The following NHSL1 variants were observed in gnomAD, a reference collection of about 807,000 sequenced individuals.
The protein encoded by NHSL1 is NHS-like protein 1.
Under a neutral mutation model 95.0 loss-of-function variants are expected in NHSL1, and 48 were observed. The observed-to-expected ratio is 0.51, with a 90% CI of 0.40 to 0.64. NHSL1 has a LOEUF of 0.64. Ranked by LOEUF, NHSL1 falls within the 30% of genes least tolerant of loss-of-function variation. NHSL1 has a pLI of 0.00. For synonymous variants in NHSL1, 783 were observed against 833.9 expected (o/e 0.94, Z 1.05); for missense variants, 1,971 against 2,077.7 (o/e 0.95, Z 1.00).
chr6:138,540,435 G>A (rs1782535831), intron 1 of NHSL1, among the ~76,000 whole-genome samples: 2 of 152,210 alleles, frequency 1.3e-5, no homozygotes, highest in Admixed American at 6.5e-5. Flanking sequence ...GGACCTTCCA[G>A]AGCAAATGGT....
Position 138,692,306 on chromosome 6 carries a change from C to T in NHSL1, c.96+170G>A. 2.6e-6 allele frequency: 1 copy of T among 387,226 alleles called. No individual in the cohort carries two copies. The highest frequency in any genetic ancestry group is 1.9e-5 in the South Asian group (1 of 53,090). 24.0% of individuals were successfully genotyped at this position (387,226 alleles called of 1,614,324 possible). A position where few individuals can be genotyped will look rare whatever the true frequency, so the allele number is the denominator to read the frequency against. ...GAAAGTCACAGAGCGCTCTGCGCCC[C>T]TGCCACCTGCCCAGCCTCCCGCTGG... On this transcript the variant is annotated intron_variant, in intron 1 of 3. Transcript: ENST00000491526. The surrounding 1 kb of genome is among the most constrained non-coding windows in gnomAD (Gnocchi z 4.0).
chr6:138,597,666 CAT>C (rs1784319363), intron 1 of NHSL1, among the ~76,000 whole-genome samples: 1 of 152,186 alleles, frequency 6.6e-6, no homozygotes, highest in Non-Finnish European at 1.5e-5. Context: ...ATTCCACACA[CAT>C]GTAAGCATCC....
At chr6:138,468,334 T>A (rs1006021396) in intron 3 of NHSL1, among the ~76,000 whole-genome samples, 1 of 152,224 alleles carries the variant, frequency 6.6e-6, no homozygotes, top group Non-Finnish European at 1.5e-5. Context: ...AATAACATGC[T>A]GTAGCCTAGG....
chr6:138,541,413 G>C (rs893333593), intron 1 of NHSL1, among the ~76,000 whole-genome samples: 1 of 152,102 alleles, frequency 6.6e-6, no homozygotes, highest in African/African-American at 2.4e-5. Context: ...ATATTACCTC[G>C]TTTTTAAAAC....
intron 1 of NHSL1, among the ~76,000 whole-genome samples, chr6:138,662,226 T>A (rs1785237022): frequency 6.6e-6 from 1 of 151,700 alleles, no homozygotes; most frequent in Non-Finnish European, 1.5e-5. Flanking sequence ...AAAAAAAGAA[T>A]AAGCACCATA....
At position 138,431,780 on chromosome 6, in the gene NHSL1, C is replaced by A; in HGVS notation, c.2565G>T (p.Gln855His). 1 of 1,551,684 alleles carries A rather than the reference C, an allele frequency of 6.4e-7. No individual in the cohort carries two copies. The highest frequency in any genetic ancestry group is 8.7e-7 in the Non-Finnish European group (1 of 1,146,918). The change falls in exon 6 of 8, where the codon CAG (glutamine) becomes CAT (histidine). Residue 855 changes from glutamine to histidine, a missense_variant. This residue lies in a region of NHSL1 where 1,602 missense variants were observed against 1,654.5 expected (regional missense o/e 0.97). Transcript: ENST00000343505. The surrounding 1 kb of genome is among the most constrained non-coding windows in gnomAD (Gnocchi z 4.0). ...VISPSSGYSS[Q>H]SNTPTALTPV... ...GGGTGAGTGCTGTGGGTGTATTCGA[C>A]TGGCTGGAATACCCACTGGATGGAG... is the stretch of plus-strand genomic sequence containing the variant.
At chr6:138,452,399 C>T (rs1777295469) in intron 3 of NHSL1, among the ~76,000 whole-genome samples, 1 of 152,178 alleles carries the variant, frequency 6.6e-6, no homozygotes. Context: ...TCAGAAGAGC[C>T]AACTGATCCA....
At chr6:138,462,534 T>A (rs1346206431) in intron 3 of NHSL1, among the ~76,000 whole-genome samples, 1 of 152,194 alleles carries the variant, frequency 6.6e-6, no homozygotes, top group Non-Finnish European at 1.5e-5. Flanking sequence ...GGATCACATT[T>A]CAATGTGAGT....
At chr6:138,508,437 G>T (rs13362638) in intron 1 of NHSL1, among the ~76,000 whole-genome samples, 2 of 152,104 alleles carry the variant, frequency 1.3e-5, no homozygotes, top group Non-Finnish European at 2.9e-5. Context: ...AGATTTCATA[G>T]GCCCCTAGAA....
chr6:138,513,079 T>C (rs1216699519), intron 1 of NHSL1, among the ~76,000 whole-genome samples: 1 of 152,240 alleles, frequency 6.6e-6, no homozygotes, highest in African/African-American at 2.4e-5. Flanking sequence ...CTGATATTTC[T>C]GGAAGCTCCT....
At chr6:138,645,021 A>G (rs1784998811) in intron 1 of NHSL1, among the ~76,000 whole-genome samples, 1 of 152,218 alleles carries the variant, frequency 6.6e-6, no homozygotes, top group Non-Finnish European at 1.5e-5. Flanking sequence ...CTGGAACAAG[A>G]GTCATCTGTC....
chr6:138,567,583 C>A (rs1003777861), intron 1 of NHSL1, among the ~76,000 whole-genome samples: 1 of 152,030 alleles, frequency 6.6e-6, no homozygotes, highest in African/African-American at 2.4e-5. Context: ...CATTAGTAAT[C>A]TAATTATGTG....
upstream of NHSL1, among the ~76,000 whole-genome samples, chr6:138,573,223 G>A (rs77270711): frequency 0.028 from 4,215 of 152,244 alleles, 167 homozygotes; most frequent in African/African-American, 0.095. Flanking sequence ...TAGAGCCACA[G>A]CTTGCAATGC....
intron 1 of NHSL1, among the ~76,000 whole-genome samples, chr6:138,497,137 C>T (rs1426206560): frequency 6.6e-6 from 1 of 152,158 alleles, no homozygotes; most frequent in South Asian, 2.1e-4. Context: ...TAAATCTCTA[C>T]AATAATTTTT....
At chr6:138,641,167 G>C (rs1784954960) in intron 1 of NHSL1, among the ~76,000 whole-genome samples, 1 of 152,184 alleles carries the variant, frequency 6.6e-6, no homozygotes, top group Non-Finnish European at 1.5e-5. Flanking sequence ...GCCAGGCGTG[G>C]TGGCATGTGC....
intron 1 of NHSL1, among the ~76,000 whole-genome samples, chr6:138,671,343 G>A (rs751324466): frequency 5.5e-5 from 8 of 145,212 alleles, no homozygotes; most frequent in Non-Finnish European, 7.4e-5. Context: ...CCAGCTACTC[G>A]GGAGGCTGAG....
At chr6:138,478,094 A>G (rs1441057572) in intron 2 of NHSL1, among the ~76,000 whole-genome samples, 1 of 127,112 alleles carries the variant, frequency 7.9e-6, no homozygotes, top group African/African-American at 3.1e-5. Context: ...CAATGGTGCA[A>G]CCTCTGCCTC....
intron 2 of NHSL1, among the ~76,000 whole-genome samples, chr6:138,474,247 G>A (rs139440944): frequency 6.6e-6 from 1 of 152,290 alleles, no homozygotes; most frequent in East Asian, 1.9e-4. Context: ...TTTGCCACAG[G>A]GTTCCTTTAA....
chr6:138,663,069 A>AAAAAAG (rs1554259081), intron 1 of NHSL1, among the ~76,000 whole-genome samples: 3 of 151,848 alleles, frequency 2.0e-5, no homozygotes, highest in Admixed American at 2.0e-4. Flanking sequence ...CGGCAAAAAA[A>AAAAAAG]AAAAGAAAAA....
Sources: allele counts gnomAD v4.1 joint callset (sites outside exome capture counted in the v4.1 genomes callset), GRCh38; gene constraint gnomAD v4.1.1; regional missense constraint gnomAD v4.1.1; non-coding constraint Gnocchi (gnomAD v3.1); transcripts MANE v1.5; gene names NCBI Gene and HGNC (gene_info 2026-07-23, HGNC 2026-07-21).